The following ZFHX3 variants were observed in gnomAD, a reference collection of about 807,000 sequenced individuals.
The protein encoded by ZFHX3 is zinc finger homeobox 3, also known as zinc finger homeobox protein 3.
Under a neutral mutation model 279.1 loss-of-function variants are expected in ZFHX3, and 42 were observed. The ratio of observed to expected loss-of-function variants is 0.15; its 90% CI spans 0.12 to 0.19. The LOEUF is 0.19. Among genes scored for constraint, ZFHX3 ranks in the 10% least tolerant of loss-of-function variants. The pLI, the probability that ZFHX3 is intolerant of heterozygous loss-of-function variation, is 1.00. For missense variants in ZFHX3, 4,981 were observed against 4,754.0 expected (o/e 1.05, Z -1.40); for synonymous variants, 2,293 against 1,957.8 (o/e 1.17, Z -4.52).
At chr16:73,026,664 A>T (rs1467189142) in intron 1 of ZFHX3, among the ~76,000 whole-genome samples, 3 of 112,808 alleles carry the variant, frequency 2.7e-5, no homozygotes, top group Admixed American at 9.7e-5. Flanking sequence ...AACAAGAGCA[A>T]AACTGCCTCA....
At chr16:72,957,371 A>C (rs918649448) in intron 2 of ZFHX3, 56 bp downstream of exon 2, 6 of 1,537,624 alleles carry the variant, frequency 3.9e-6, no homozygotes, top group Non-Finnish European at 5.2e-6. Context: ...CCTATTCACC[A>C]TTCTCCCTGG....
chr16:73,032,621 T>A (rs372010519), intron 1 of ZFHX3, among the ~76,000 whole-genome samples: 1 of 152,138 alleles, frequency 6.6e-6, no homozygotes, highest in East Asian at 1.9e-4. Context: ...TCTTCAACTT[T>A]CAGTCCTACA....
intron 1 of ZFHX3, among the ~76,000 whole-genome samples, chr16:73,019,049 T>A (rs1297782655): frequency 6.6e-6 from 1 of 152,180 alleles, no homozygotes; most frequent in Non-Finnish European, 1.5e-5. Flanking sequence ...CTCAAGGCTG[T>A]CACTGGATGA....
intron 2 of ZFHX3, among the ~76,000 whole-genome samples, chr16:73,676,302 C>A (rs1346409263): frequency 6.6e-6 from 1 of 151,810 alleles, no homozygotes. Context: ...AGGTTATAAA[C>A]AAAGACCAAG....
intron 3 of ZFHX3, among the ~76,000 whole-genome samples, chr16:72,919,185 C>T (rs2039520680): frequency 6.6e-6 from 1 of 151,308 alleles, no homozygotes; most frequent in Non-Finnish European, 1.5e-5. Context: ...GAGACAGGGT[C>T]TCACTCTGTT....
chr16:72,921,474 G>A (rs2039583269), intron 3 of ZFHX3, among the ~76,000 whole-genome samples: 1 of 152,218 alleles, frequency 6.6e-6, no homozygotes, highest in South Asian at 2.1e-4. Flanking sequence ...AGGACTGAAC[G>A]GGGATTTGGG....
chr16:72,989,671 G>A (rs1305180750), intron 1 of ZFHX3, among the ~76,000 whole-genome samples: 1 of 152,196 alleles, frequency 6.6e-6, no homozygotes, highest in African/African-American at 2.4e-5. Flanking sequence ...AAATAAGTGG[G>A]AAGAATATGG....
intron 4 of ZFHX3, among the ~76,000 whole-genome samples, chr16:72,887,413 G>A (rs1020620781): frequency 5.3e-5 from 8 of 152,292 alleles, no homozygotes; most frequent in South Asian, 2.1e-4. Flanking sequence ...GCTCAGCTGC[G>A]ATTAATATTT....
At chr16:73,153,160 A>G (rs1966988826) in intron 5 of ZFHX3, among the ~76,000 whole-genome samples, 1 of 152,196 alleles carries the variant, frequency 6.6e-6, no homozygotes, top group Admixed American at 6.5e-5. Context: ...CCAGTGAAGA[A>G]AGGGAACATG....
intron 2 of ZFHX3, among the ~76,000 whole-genome samples, chr16:73,555,832 CAA>C (rs1204021861): frequency 6.5e-5 from 8 of 123,180 alleles, no homozygotes; most frequent in Admixed American, 8.3e-5. Context: ...AACTCCATCT[CAA>C]AAAAAAAAAA....
At chr16:73,345,201 T>C (rs1387803710) in intron 3 of ZFHX3, among the ~76,000 whole-genome samples, 1 of 152,160 alleles carries the variant, frequency 6.6e-6, no homozygotes. Flanking sequence ...TTTCAGACAA[T>C]AAAAAGTCTT....
At chr16:73,038,153 G>C (rs988220490) in intron 1 of ZFHX3, among the ~76,000 whole-genome samples, 9 of 152,138 alleles carry the variant, frequency 5.9e-5, no homozygotes, top group Non-Finnish European at 1.0e-4. Flanking sequence ...AAGGGACCTT[G>C]TACACAAAAT....
chr16:73,230,911 A>G (rs1001981481), intron 5 of ZFHX3, among the ~76,000 whole-genome samples: 3 of 152,164 alleles, frequency 2.0e-5, no homozygotes, highest in South Asian at 2.1e-4. Flanking sequence ...GGGAGCTGGA[A>G]TTGAATCCTC....
chr16:73,331,855 G>T (rs889465183), intron 3 of ZFHX3, among the ~76,000 whole-genome samples: 1 of 152,170 alleles, frequency 6.6e-6, no homozygotes, highest in African/African-American at 2.4e-5. Flanking sequence ...GACGTGCCAC[G>T]AGTAAAGCTT....
intron 3 of ZFHX3, among the ~76,000 whole-genome samples, chr16:73,419,617 AT>A (rs200742533): frequency 2.7e-5 from 4 of 149,438 alleles, no homozygotes; most frequent in African/African-American, 4.9e-5. Context: ...ATGCCATATG[AT>A]TTTTTTTTTG....
At chr16:73,356,136 C>T (rs1344233627) in intron 3 of ZFHX3, among the ~76,000 whole-genome samples, 2 of 152,194 alleles carry the variant, frequency 1.3e-5, no homozygotes, top group Admixed American at 6.5e-5. Flanking sequence ...ACCAGGTTTT[C>T]GTTGAATGGG....
At chr16:72,975,170 G>T (rs1410250790) in intron 1 of ZFHX3, among the ~76,000 whole-genome samples, 1 of 152,136 alleles carries the variant, frequency 6.6e-6, no homozygotes, top group Non-Finnish European at 1.5e-5. Context: ...GGCCAGGTGT[G>T]GTGGCTCATA....
At chr16:73,728,831 ACACACAC>A (rs1327109265) in intron 1 of ZFHX3, among the ~76,000 whole-genome samples, 62 of 151,912 alleles carry the variant, frequency 4.1e-4, no homozygotes, top group African/African-American at 1.3e-3. Flanking sequence ...ACACACACAC[ACACACAC>A]ACACACACAA....
chr16:72,851,732 A>G (rs904987719), intron 4 of ZFHX3, among the ~76,000 whole-genome samples: 1 of 151,902 alleles, frequency 6.6e-6, no homozygotes, highest in Non-Finnish European at 1.5e-5. Flanking sequence ...TGTATTTTTA[A>G]TAGAGACGGG....
Sources: gnomAD v4.1 joint callset for allele counts (sites outside exome capture counted in the v4.1 genomes callset) on GRCh38, gnomAD v4.1.1 for gene constraint, MANE v1.5 for transcripts, NCBI Gene and HGNC (gene_info 2026-07-23, HGNC 2026-07-21) for gene names.